CLUL1: variants seen among roughly 807,000 people sequenced by gnomAD.
CLUL1 encodes the protein clusterin like 1, also known as clusterin-like protein 1.
Under a neutral mutation model 49.4 loss-of-function variants are expected in CLUL1, and 43 were observed. That is an observed-to-expected ratio of 0.87 (90% confidence interval 0.68 to 1.12). The LOEUF is 1.12. Ranked by LOEUF, CLUL1 falls within the 50% of genes most tolerant of loss-of-function variation. CLUL1 has a pLI of 0.00. For missense variants in CLUL1, 486 were observed against 544.4 expected (o/e 0.89, Z 1.07); for synonymous variants, 192 against 184.9 (o/e 1.04, Z -0.31).
At chr18:627,911 C>T (rs1163153151) in intron 6 of CLUL1, among the ~76,000 whole-genome samples, 1 of 152,162 alleles carries the variant, frequency 6.6e-6, no homozygotes, top group Non-Finnish European at 1.5e-5. Flanking sequence ...GCAACCTCTG[C>T]CTCCCAGGTT....
intron 4 of CLUL1, 78 bp downstream of exon 4, chr18:619,439 A>G (rs2073419400): frequency 1.6e-6 from 2 of 1,272,304 alleles, no homozygotes; most frequent in East Asian, 5.3e-5. Flanking sequence ...CGATTGATGA[A>G]TTACTTATTT....
At chr18:627,570 A>G (rs1173197742) in intron 6 of CLUL1, 41 bp downstream of exon 6, 6 of 1,428,624 alleles carry the variant, frequency 4.2e-6, no homozygotes, top group Non-Finnish European at 5.7e-6. Flanking sequence ...GGTTTACACT[A>G]AAGTCAAGTT....
rs1274309069 is a variant in CLUL1 at position 619,233 on chromosome 18, A to T, written c.127A>T (p.Ile43Leu). 6.2e-7 allele frequency: 1 copy of T among 1,613,702 alleles called. No homozygotes were observed. Among genetic ancestry groups the T allele is most frequent in the Non-Finnish European group, 8.5e-7 (1 of 1,179,902 alleles). The change falls in exon 4 of 10, where the codon ATA (isoleucine) becomes TTA (leucine). Residue 43 changes from isoleucine to leucine, a missense_variant. Ile to Leu is a conservative substitution (Grantham distance 5, BLOSUM62 2). Transcript: ENST00000692774. The part of the protein sequence containing the change: ...NLKSFSEVGE[I>L]DADEEVKKAL... ...TTTAGGTTTTTCTGAGGTGGGGGAG[A>T]TAGATGCAGATGAAGAGGTGAAGAA...
intron 6 of CLUL1, among the ~76,000 whole-genome samples, chr18:629,360 C>T (rs12605959): frequency 0.013 from 2,048 of 152,294 alleles, 57 homozygotes; most frequent in East Asian, 0.11. Flanking sequence ...TGGAATAACA[C>T]TGAGAATATG....
In CLUL1 at chr18:619,225, TG is replaced by T. The variant is rs770141560; in HGVS notation, c.124del (p.Glu42ArgfsTer2). On this transcript the variant is annotated frameshift_variant, in exon 4 of 10. Transcript: ENST00000692774. LOFTEE classifies it high-confidence loss of function. ...ACATGTCTTTTAGGTTTTTCTGAGG[TG>T]GGGGAGATAGATGCAGATGAAGAGG... ...ISENLKSFSE[V>X]GEIDADEEVK... is the part of the protein sequence containing the mutation. 2 of 1,612,186 alleles carry T rather than the reference TG, an allele frequency of 1.2e-6. No individual in the cohort carries two copies. The highest frequency in any genetic ancestry group is 1.3e-5 in the African/African-American group (1 of 74,722).
At chr18:604,709 T>C (rs181975091) in intron 1 of CLUL1, among the ~76,000 whole-genome samples, 7 of 152,358 alleles carry the variant, frequency 4.6e-5, no homozygotes, top group Admixed American at 3.9e-4. Flanking sequence ...TCTTATCTTA[T>C]GACCAGGAAG....
chr18:647,772 A>C (rs77156390), intron 9 of CLUL1, among the ~76,000 whole-genome samples: 8,917 of 152,202 alleles, frequency 0.059, 307 homozygotes, highest in Middle Eastern at 0.11. Context: ...TTCTACCCAT[A>C]AACTAGGGGC....
intron 7 of CLUL1, among the ~76,000 whole-genome samples, chr18:639,512 T>C (rs1389977245): frequency 6.9e-6 from 1 of 144,708 alleles, no homozygotes; most frequent in Non-Finnish European, 1.5e-5. Flanking sequence ...ATGCCTGTAA[T>C]CCCAGCACTT....
chr18:602,911 A>G (rs2072872299), intron 1 of CLUL1, among the ~76,000 whole-genome samples: 1 of 152,186 alleles, frequency 6.6e-6, no homozygotes, highest in African/African-American at 2.4e-5. Flanking sequence ...GGAGAGAGTG[A>G]TAGGAGCTGG....
In CLUL1 at chr18:606,800, T is replaced by C. The variant is rs1159585930; in HGVS notation, c.-135-178T>C. On this transcript the variant is annotated intron_variant, in intron 1 of 9. Transcript: ENST00000692774. This position sits in a 1 kb window ranked among gnomAD's most constrained non-coding sequence, Gnocchi z 4.1. ...CAAAAATAAACGTGAGATATGATTCTCCCGGAGTGTTTAGAGCAGGAATGT... is the reference window on the plus strand; with the variant it reads ...CAAAAATAAACGTGAGATATGATTCCCCCGGAGTGTTTAGAGCAGGAATGT... 6.6e-6 allele frequency among the ~76,000 whole-genome samples: 1 copy of C among 152,102 alleles called. No individual in the cohort carries two copies. The highest frequency in any genetic ancestry group is 2.4e-5 in the African/African-American group (1 of 41,394).
intron 1 of CLUL1, among the ~76,000 whole-genome samples, chr18:605,834 G>A (rs1342744055): frequency 6.6e-6 from 1 of 151,990 alleles, no homozygotes; most frequent in East Asian, 1.9e-4. Context: ...GCGCCACCAT[G>A]TCCAGATAAT....
chr18:606,477 AT>A lies in CLUL1; in HGVS notation c.-135-498del, dbSNP rs948920941. Among the ~76,000 whole-genome samples, 22 of 152,152 alleles carry A rather than the reference AT, an allele frequency of 1.4e-4. No homozygotes were observed. The highest frequency in any genetic ancestry group is 2.9e-4 in the Non-Finnish European group (20 of 68,020). On this transcript the variant is annotated intron_variant, in intron 1 of 9. Coordinates refer to ENST00000692774, the MANE Select transcript of CLUL1 (RefSeq NM_001393344.1). The surrounding 1 kb of genome is among the most constrained non-coding windows in gnomAD (Gnocchi z 4.1). The stretch of plus-strand genomic sequence containing the variant: ...CAAATCGGAGTTCTTTCTTCATGAC[AT>A]TTCTTTGCAAAGTCCCGGAACCCAC...
intron 4 of CLUL1, 63 bp downstream of exon 4, chr18:619,424 T>TAACA: frequency 3.7e-6 from 5 of 1,347,866 alleles, no homozygotes; most frequent in Non-Finnish European, 5.0e-6. Context: ...CTGCACTTGT[T>TAACA]AGTGCGATTG....
rs150102928 is a variant in CLUL1 at position 612,430 on chromosome 18, C to T, written c.-14+5331C>T. Among the ~76,000 whole-genome samples the T allele has an allele frequency of 3.6e-3, 554 of 152,324 alleles. 2 individuals carry two copies. Among genetic ancestry groups the T allele is most frequent in the African/African-American group, 0.012 (506 of 41,578 alleles). On this transcript the variant is annotated intron_variant, in intron 2 of 9. Transcript: ENST00000692774. ...CGTGCTCCTTGTCTTTCAGGCCAGC[C>T]GGCTTCACACATGTGCCACGTGCAC...
At chr18:599,851 G>A (rs2072770740) in intron 1 of CLUL1, among the ~76,000 whole-genome samples, 1 of 151,900 alleles carries the variant, frequency 6.6e-6, no homozygotes, top group African/African-American at 2.4e-5. Context: ...AGGAGGCTGA[G>A]GCAGGAGAAT....
rs79242930 is a variant in CLUL1 at position 647,954 on chromosome 18, G to A, written c.1398-1944G>A. Among the ~76,000 whole-genome samples the A allele has an allele frequency of 9.7e-4, 148 of 152,176 alleles. 1 individual carries two copies. In the East Asian group the frequency reaches 0.026, roughly 26 times the overall value. ...TTTTTGCTCTTCTCTTTGTCAGTGGGGACTTAGGACTCTGCCTGGCACAGG... is the reference window on the plus strand; with the variant it reads ...TTTTTGCTCTTCTCTTTGTCAGTGGAGACTTAGGACTCTGCCTGGCACAGG... On this transcript the variant is annotated intron_variant, in intron 9 of 9. Transcript: ENST00000692774.
chr18:645,806 AAAAAATATATAT>A (rs1358834234), intron 9 of CLUL1, among the ~76,000 whole-genome samples: 3 of 51,842 alleles, frequency 5.8e-5, no homozygotes, highest in African/African-American at 8.4e-5. Context: ...AAAAAAAAAA[AAAAAATATATAT>A]ATATATATAT....
In CLUL1 at chr18:640,246, CA is replaced by C. The variant is rs536203021; in HGVS notation, c.995-1074del. On this transcript the variant is annotated intron_variant, in intron 7 of 9. Transcript: ENST00000692774. ...GGCAGCATAGTGAGACCCGCCTCTA[CA>C]AAAAAATTAAAAATTAGCCGGGCAT... 4.6e-3 allele frequency among the ~76,000 whole-genome samples: 698 copies of C among 151,596 alleles called. 4 individuals carry two copies. Among genetic ancestry groups the C allele is most frequent in the Non-Finnish European group, 7.6e-3 (518 of 67,928 alleles).
intron 4 of CLUL1, among the ~76,000 whole-genome samples, chr18:621,791 G>C (rs1017832918): frequency 1.3e-5 from 2 of 152,178 alleles, no homozygotes; most frequent in Non-Finnish European, 2.9e-5. Flanking sequence ...GTGTGCACGG[G>C]GGACCCAGTG....
Sources: allele counts gnomAD v4.1 joint callset (sites outside exome capture counted in the v4.1 genomes callset), GRCh38; gene constraint gnomAD v4.1.1; non-coding constraint Gnocchi (gnomAD v3.1); transcripts MANE v1.5; gene names NCBI Gene and HGNC (gene_info 2026-07-23, HGNC 2026-07-21).